The following RUVBL1 variants were observed in gnomAD, a reference collection of about 807,000 sequenced individuals.
The protein encoded by RUVBL1 is RuvB like AAA ATPase 1.
A neutral mutation model predicts 52.4 loss-of-function variants in RUVBL1; 4 were observed. The ratio of observed to expected loss-of-function variants is 0.08; its 90% confidence interval spans 0.04 to 0.17. The LOEUF (loss-of-function observed/expected upper bound fraction) is 0.17. RUVBL1 is among the 10% of genes least tolerant of loss of function. The pLI is 1.00. For synonymous variants in RUVBL1, 217 were observed against 214.4 expected, an observed-to-expected ratio of 1.01 and a Z score of -0.10; for missense variants, 298 against 572.8, an observed-to-expected ratio of 0.52 and a Z score of 4.90.
At chr3:128,134,887 C>T (rs1943928990) in intron 1 of RUVBL1, among the ~76,000 whole-genome samples, 4 of 151,626 alleles carry the variant, frequency 2.6e-5, no homozygotes, top group Admixed American at 2.6e-4. Flanking sequence ...CTAAATCTAG[C>T]AAATAGCCTC....
chr3:128,132,392 A>T (rs2107729315), intron 1 of RUVBL1, among the ~76,000 whole-genome samples: 1 of 152,294 alleles, frequency 6.6e-6, no homozygotes, highest in African/African-American at 2.4e-5. Context: ...CATGTGACCT[A>T]GCAAGACAAT....
At chr3:128,095,095 G>T (rs1942939201) in intron 8 of RUVBL1, among the ~76,000 whole-genome samples, 2 of 152,242 alleles carry the variant, frequency 1.3e-5, no homozygotes, top group South Asian at 4.1e-4. Flanking sequence ...AATCAGCCCA[G>T]ATGGGGCTGG....
chr3:128,108,270 T>C (rs914385333), intron 3 of RUVBL1, among the ~76,000 whole-genome samples: 6 of 152,308 alleles, frequency 3.9e-5, no homozygotes, highest in South Asian at 2.1e-4. Context: ...TTTTTGAAGA[T>C]AGTCAATGGC....
At chr3:128,064,843 G>T in exon 10 of RUVBL1, 1 of 1,538,902 alleles carries the variant, frequency 6.5e-7, no homozygotes, top group Non-Finnish European at 8.7e-7. Context: ...TTGCCTGTTC[G>T]TTCCTTCATA....
intron 1 of RUVBL1, among the ~76,000 whole-genome samples, chr3:128,132,922 G>T (rs1943901121): frequency 1.3e-5 from 2 of 152,192 alleles, no homozygotes; most frequent in Admixed American, 1.3e-4. Context: ...GTGGGGTAGA[G>T]CACCGAGTGG....
chr3:128,112,371 C>G (rs1943414076), intron 3 of RUVBL1, among the ~76,000 whole-genome samples: 1 of 152,198 alleles, frequency 6.6e-6, no homozygotes, highest in Non-Finnish European at 1.5e-5. Flanking sequence ...GAAGGCCTGG[C>G]TCATCACAGG....
chr3:128,105,471 A>G (rs1943210467), intron 3 of RUVBL1, among the ~76,000 whole-genome samples: 1 of 152,176 alleles, frequency 6.6e-6, no homozygotes, highest in African/African-American at 2.4e-5. Context: ...AGAACTAGAT[A>G]GACAAGTTAT....
chr3:128,153,662 G>T (rs748787702), exon 1 of RUVBL1: 1 of 1,597,522 alleles, frequency 6.3e-7, no homozygotes, highest in Admixed American at 1.7e-5. Flanking sequence ...CTCGATCTGG[G>T]CTTCTCGTGC....
chr3:128,088,031 C>T (rs1942704196), intron 8 of RUVBL1, among the ~76,000 whole-genome samples: 1 of 152,002 alleles, frequency 6.6e-6, no homozygotes, highest in African/African-American at 2.4e-5. Context: ...AGGCAGAGGC[C>T]TCCCAAAGAT....
upstream of RUVBL1, among the ~76,000 whole-genome samples, chr3:128,128,793 T>G (rs577795309): frequency 6.6e-6 from 1 of 152,298 alleles, no homozygotes; most frequent in African/African-American, 2.4e-5. Flanking sequence ...ACCCTAAGCT[T>G]CTACTATGTG....
Position 128,119,430 on chromosome 3 carries a change from G to C in RUVBL1, c.142-16C>G, listed in dbSNP as rs534856097. The C allele has an allele frequency of 3.1e-6, 5 of 1,591,622 alleles. No homozygotes were observed. In the East Asian group the frequency reaches 1.1e-4, roughly 36 times the overall value. On this transcript the variant is annotated splice_polypyrimidine_tract_variant and intron_variant, in intron 1 of 10. Coordinates refer to ENST00000322623, the MANE Select transcript of RUVBL1 (RefSeq NM_003707.3). The stretch of plus-strand genomic sequence containing the variant: ...CGCCACATGCCTACACACCACAATG[G>C]AAAGAAATAATAAATCAATATTAAA...
At chr3:128,110,516 T>C (rs919411605) in intron 3 of RUVBL1, among the ~76,000 whole-genome samples, 1 of 152,104 alleles carries the variant, frequency 6.6e-6, no homozygotes, top group African/African-American at 2.4e-5. Flanking sequence ...CAATATTTCA[T>C]GGTAAAAATA....
chr3:128,133,309 G>A (rs1301383753), intron 1 of RUVBL1, among the ~76,000 whole-genome samples: 1 of 152,178 alleles, frequency 6.6e-6, no homozygotes, highest in African/African-American at 2.4e-5. Context: ...CGTGGGCTGG[G>A]GGATGAGCTT....
In RUVBL1 at chr3:128,106,504, C is replaced by T. The variant is rs376963792; in HGVS notation, c.362-1580G>A. On this transcript the variant is annotated intron_variant, in intron 3 of 10. Transcript: ENST00000322623. ...CTTCTTCCTCATCCTCCAAATTGTC[C>T]CCATGGTGACCTGTGTTTCCACTGG... Among the ~76,000 whole-genome samples, 12 of 152,072 alleles carry T rather than the reference C, an allele frequency of 7.9e-5. No homozygotes were observed. The East Asian group carries it at 9.7e-4, about 12-fold the overall frequency.
At chr3:128,096,434 G>A (rs1184248405) in intron 8 of RUVBL1, among the ~76,000 whole-genome samples, 1 of 152,296 alleles carries the variant, frequency 6.6e-6, no homozygotes, top group East Asian at 1.9e-4. Context: ...TCTTCCAGGG[G>A]TCAACATCTG....
At chr3:128,093,553 G>A (rs1049483255) in intron 8 of RUVBL1, among the ~76,000 whole-genome samples, 5 of 151,546 alleles carry the variant, frequency 3.3e-5, no homozygotes, top group African/African-American at 1.2e-4. Flanking sequence ...AGTCCATACT[G>A]TTTCTTAAGT....
intron 1 of RUVBL1, among the ~76,000 whole-genome samples, chr3:128,134,905 T>C (rs1943929206): frequency 6.6e-6 from 1 of 151,144 alleles, no homozygotes; most frequent in African/African-American, 2.4e-5. Context: ...CTCAAAAGGG[T>C]AAATCTAAGA....
chr3:128,101,311 A>G (rs1328545322), intron 5 of RUVBL1, among the ~76,000 whole-genome samples: 1 of 152,228 alleles, frequency 6.6e-6, no homozygotes, highest in African/African-American at 2.4e-5. Context: ...CCCCCTCTGA[A>G]CAGGTTTTAG....
intron 1 of RUVBL1, among the ~76,000 whole-genome samples, chr3:128,140,397 C>T (rs1015486884): frequency 4.6e-5 from 7 of 151,424 alleles, no homozygotes; most frequent in African/African-American, 1.7e-4. Context: ...CCTGCTCCCA[C>T]GTTTTCAGCA....
Sources: allele counts gnomAD v4.1 joint callset (sites outside exome capture counted in the v4.1 genomes callset), GRCh38; gene constraint gnomAD v4.1.1; transcripts MANE v1.5; gene names NCBI Gene and HGNC (gene_info 2026-07-23, HGNC 2026-07-21).